SPECC1: variants seen among roughly 807,000 people sequenced by gnomAD.
SPECC1 encodes the protein sperm antigen with calponin homology and coiled-coil domains 1, also known as cytospin-B.
In SPECC1, 62 loss-of-function variants were observed where a neutral mutation model predicts 104.1. The ratio of observed to expected loss-of-function variants is 0.60; its 90% CI spans 0.49 to 0.74. SPECC1 has a LOEUF of 0.74. Among genes scored for constraint, SPECC1 ranks in the 30% least tolerant of loss-of-function variants. The pLI, the probability that SPECC1 is intolerant of heterozygous loss-of-function variation, is 0.00. For synonymous variants in SPECC1, 513 were observed against 501.6 expected, an observed-to-expected ratio of 1.02 and a Z score of -0.30; for missense variants, 1,306 against 1,310.5, an observed-to-expected ratio of 1.00 and a Z score of 0.05.
chr17:20,229,845 G>A (rs1247293075), intron 5 of SPECC1, among the ~76,000 whole-genome samples: 1 of 152,210 alleles, frequency 6.6e-6, no homozygotes, highest in African/African-American at 2.4e-5. Flanking sequence ...AAAGCTGTGG[G>A]CAATATTGTT....
Position 20,204,669 on chromosome 17 carries a change from C to G in SPECC1, c.620C>G (p.Ala207Gly), listed in dbSNP as rs762719038. Residue 207 changes from alanine to glycine, a missense_variant, in exon 4 of 15, where the codon GCT becomes GGT. Physicochemically the swap from Ala to Gly is moderately conservative, Grantham distance 60. Coordinates refer to ENST00000395527, the MANE Select transcript of SPECC1 (RefSeq NM_001243439.2). Reference sequence around the variant, plus strand: ...ACTCTGAACGCTGAGGGGACTGATGCTTTGGGCCCAAATGTCGATGGAACA... The same window carrying G: ...ACTCTGAACGCTGAGGGGACTGATGGTTTGGGCCCAAATGTCGATGGAACA... ...KRTLNAEGTDALGPNVDGTSV... is the reference protein window; with the variant it reads ...KRTLNAEGTDGLGPNVDGTSV... 6.2e-7 allele frequency: 1 copy of G among 1,613,936 alleles called. No individual in the cohort carries two copies. Among genetic ancestry groups the G allele is most frequent in the Non-Finnish European group, 8.5e-7 (1 of 1,179,980 alleles).
intron 1 of SPECC1, among the ~76,000 whole-genome samples, chr17:20,092,442 T>G (rs1187947465): frequency 6.6e-6 from 1 of 152,166 alleles, no homozygotes; most frequent in Non-Finnish European, 1.5e-5. Flanking sequence ...CAGCCAGGAT[T>G]TGTTAAGCCC....
chr17:20,053,387 T>C (rs893881267), intron 1 of SPECC1, among the ~76,000 whole-genome samples: 3 of 152,240 alleles, frequency 2.0e-5, no homozygotes, highest in Non-Finnish European at 4.4e-5. Context: ...GAACCCCCTA[T>C]CCACTTCCAC....
chr17:20,084,946 G>C (rs1481082576), intron 1 of SPECC1, among the ~76,000 whole-genome samples: 1 of 152,246 alleles, frequency 6.6e-6, no homozygotes, highest in East Asian at 1.9e-4. Context: ...CCTGGGTCCA[G>C]GGTGCTGTGG....
intron 2 of SPECC1, among the ~76,000 whole-genome samples, chr17:20,108,079 T>C (rs1019310511): frequency 3.9e-5 from 6 of 152,234 alleles, no homozygotes; most frequent in Non-Finnish European, 7.3e-5. Flanking sequence ...GAGTAGACTT[T>C]ATTTGTGATG....
At chr17:20,244,293 C>T (rs759382220) in intron 7 of SPECC1, among the ~76,000 whole-genome samples, 26 of 152,056 alleles carry the variant, frequency 1.7e-4, no homozygotes, top group African/African-American at 6.3e-4. Context: ...TAGCACAGAC[C>T]GAGGAAATTA....
intron 1 of SPECC1, among the ~76,000 whole-genome samples, chr17:20,084,190 G>A (rs2047089901): frequency 6.6e-6 from 1 of 152,190 alleles, no homozygotes; most frequent in South Asian, 2.1e-4. Flanking sequence ...AGCACTTTGG[G>A]AGGCGAGGCG....
chr17:20,224,045 G>A (rs1283277467), intron 4 of SPECC1, among the ~76,000 whole-genome samples: 2 of 152,290 alleles, frequency 1.3e-5, no homozygotes, highest in East Asian at 3.9e-4. Flanking sequence ...CTGCAGCTGT[G>A]TCCGCATTAG....
rs571178366 is a variant in SPECC1 at position 20,278,664 on chromosome 17, A to G, written c.2941-18297A>G. Among the ~76,000 whole-genome samples, 10 of 151,562 alleles carry G rather than the reference A, an allele frequency of 6.6e-5. No individual in the cohort carries two copies. In the South Asian group the frequency reaches 2.1e-3, roughly 32 times the overall value. On this transcript the variant is annotated intron_variant, in intron 12 of 14. Coordinates refer to ENST00000395527, the MANE Select transcript of SPECC1 (RefSeq NM_001243439.2). ...GGCTGCAGTGAGCTATGATTGTGTCACTGCATTCCAGCCTGGGTGACAGAG... is the reference window on the plus strand; with the variant it reads ...GGCTGCAGTGAGCTATGATTGTGTCGCTGCATTCCAGCCTGGGTGACAGAG...
chr17:20,064,340 C>T (rs1201818906), intron 1 of SPECC1, among the ~76,000 whole-genome samples: 1 of 152,220 alleles, frequency 6.6e-6, no homozygotes, highest in Non-Finnish European at 1.5e-5. Context: ...ATGAGTCATT[C>T]TTCAGACTCT....
At chr17:20,038,791 C>T (rs768041307) in intron 1 of SPECC1, among the ~76,000 whole-genome samples, 4 of 152,154 alleles carry the variant, frequency 2.6e-5, no homozygotes, top group Non-Finnish European at 4.4e-5. Context: ...TATCTTTGAC[C>T]CACGGATGAT....
intron 1 of SPECC1, among the ~76,000 whole-genome samples, chr17:20,054,650 T>C (rs1457113204): frequency 1.3e-5 from 2 of 152,202 alleles, no homozygotes; most frequent in African/African-American, 2.4e-5. Context: ...TATCTGATCT[T>C]TTAAAATGTT....
intron 3 of SPECC1, among the ~76,000 whole-genome samples, chr17:20,184,513 G>A (rs2035129225): frequency 6.6e-6 from 1 of 152,196 alleles, no homozygotes; most frequent in African/African-American, 2.4e-5. Context: ...GCTTAGGGGA[G>A]TTTAGTGATT....
chr17:20,316,579 G>A lies in SPECC1; in HGVS notation c.*2514G>A, dbSNP rs751448246. 1.2e-4 allele frequency: 23 copies of A among 184,428 alleles called. No individual in the cohort carries two copies. Among genetic ancestry groups the A allele is most frequent in the East Asian group, 8.8e-5 (1 of 11,356 alleles). The allele number at this position is 184,428 out of a possible 1,614,324, so 11.4% of individuals were successfully genotyped here. ...AGAGGGGGTTTCACCATGTTGGCCCGGCTGGTCTCGAACTCCTGATGGCAA... is the reference window on the plus strand; with the variant it reads ...AGAGGGGGTTTCACCATGTTGGCCCAGCTGGTCTCGAACTCCTGATGGCAA... On this transcript the variant is annotated 3_prime_UTR_variant, in exon 15 of 15. Transcript: ENST00000395527.
intron 3 of SPECC1, among the ~76,000 whole-genome samples, chr17:20,192,817 TTA>T (rs1443316860): frequency 1.3e-5 from 2 of 152,210 alleles, no homozygotes; most frequent in Non-Finnish European, 2.9e-5. Flanking sequence ...TGTGATTTTG[TTA>T]TCTGTCTTAT....
intron 1 of SPECC1, among the ~76,000 whole-genome samples, chr17:20,023,775 G>C (rs2044490776): frequency 1.3e-5 from 2 of 151,526 alleles, no homozygotes; most frequent in East Asian, 3.9e-4. Flanking sequence ...GGTTGATGGT[G>C]GTAACTCCTA....
At chr17:20,058,835 CTT>C (rs58811372) in intron 1 of SPECC1, among the ~76,000 whole-genome samples, 13 of 103,566 alleles carry the variant, frequency 1.3e-4, no homozygotes, top group Middle Eastern at 6.5e-3. Context: ...CACTTTATTT[CTT>C]TTTTTTTTTT....
intron 12 of SPECC1, among the ~76,000 whole-genome samples, chr17:20,263,143 C>T (rs12948145): frequency 1.3e-5 from 2 of 151,386 alleles, no homozygotes; most frequent in African/African-American, 4.8e-5. Context: ...GAAGGAAGGC[C>T]TCTTGGTTAC....
intron 4 of SPECC1, among the ~76,000 whole-genome samples, chr17:20,211,491 C>T (rs1320254423): frequency 1.3e-5 from 2 of 152,244 alleles, no homozygotes; most frequent in Non-Finnish European, 2.9e-5. Context: ...AAAATTGCCA[C>T]AGGCCTCAGC....
Sources: allele counts gnomAD v4.1 joint callset (sites outside exome capture counted in the v4.1 genomes callset), GRCh38; gene constraint gnomAD v4.1.1; transcripts MANE v1.5; gene names NCBI Gene and HGNC (gene_info 2026-07-23, HGNC 2026-07-21).